The following TMEM268 variants were observed in gnomAD, a reference collection of about 807,000 sequenced individuals.
TMEM268 encodes the protein transmembrane protein 268.
In TMEM268, 24 loss-of-function variants were observed where a neutral mutation model predicts 39.1. The ratio of observed to expected loss-of-function variants is 0.61; its 90% CI spans 0.44 to 0.86. TMEM268 has a LOEUF of 0.86. TMEM268 is among the 40% of genes least tolerant of loss of function. TMEM268 has a pLI of 0.00. For missense variants in TMEM268, 409 were observed against 428.6 expected (o/e 0.95, Z 0.40); for synonymous variants, 176 against 173.5 (o/e 1.01, Z -0.12).
In TMEM268 at chr9:114,626,890, T is replaced by C. The variant is rs764214627; in HGVS notation, c.217-9T>C. Reference sequence around the variant, plus strand: ...GGCTGATTGATCTCTTTCCCTGGGTTCCAAGCAGGTCCCGGCTGACCAGTA... The same window carrying C: ...GGCTGATTGATCTCTTTCCCTGGGTCCCAAGCAGGTCCCGGCTGACCAGTA... On this transcript the variant is annotated splice_polypyrimidine_tract_variant and intron_variant, in intron 3 of 8. Transcript: ENST00000288502. The C allele has an allele frequency of 6.7e-5, 107 of 1,597,038 alleles. No homozygotes were observed. The Middle Eastern group carries it at 1.0e-3, about 15-fold the overall frequency.
intron 2 of TMEM268, 108 bp from the exon 3 acceptor site, chr9:114,624,242 C>CGAGGAA (rs1846061541): frequency 6.0e-6 from 9 of 1,498,306 alleles, no homozygotes; most frequent in Non-Finnish European, 8.0e-6. Flanking sequence ...CTCCTTGTTG[C>CGAGGAA]GAGGAGGTTC....
chr9:114,641,066 G>A (rs1160075694), intron 8 of TMEM268, among the ~76,000 whole-genome samples: 2 of 152,032 alleles, frequency 1.3e-5, no homozygotes, highest in African/African-American at 4.8e-5. Flanking sequence ...AGTAGAGATG[G>A]GTTTTCACCA....
chr9:114,606,611 T>C (rs1243379919), upstream of TMEM268, among the ~76,000 whole-genome samples: 1 of 152,238 alleles, frequency 6.6e-6, no homozygotes, highest in Non-Finnish European at 1.5e-5. Context: ...CTAATTTTCC[T>C]ACCATCTCTA....
At chr9:114,617,054 C>A (rs1845745346) in intron 1 of TMEM268, 64 bp from the exon 2 acceptor site, 2 of 575,560 alleles carry the variant, frequency 3.5e-6, no homozygotes, top group African/African-American at 2.0e-5. Flanking sequence ...CTGGAGACAG[C>A]CCCTAGGAAC....
At chr9:114,604,298 G>C in the TMEM268 span, among the ~76,000 whole-genome samples, 3 of 152,018 alleles carry the variant, frequency 2.0e-5, no homozygotes, top group Non-Finnish European at 4.4e-5. Context: ...CTGATAAAAG[G>C]CATAAAATAT....
At chr9:114,632,251 C>G (rs1846434519) in intron 5 of TMEM268, among the ~76,000 whole-genome samples, 1 of 152,044 alleles carries the variant, frequency 6.6e-6, no homozygotes, top group Non-Finnish European at 1.5e-5. Flanking sequence ...CTTGAACATG[C>G]AGAATGGTTT....
chr9:114,614,727 G>C (rs1011921194), intron 1 of TMEM268, among the ~76,000 whole-genome samples: 4 of 152,152 alleles, frequency 2.6e-5, no homozygotes, highest in Non-Finnish European at 5.9e-5. Flanking sequence ...AGCAGGGCTG[G>C]TGTGTCATCC....
Position 114,617,138 on chromosome 9 carries a change from T to C in TMEM268, c.-58T>C. The C allele has an allele frequency of 8.7e-7, 1 of 1,153,028 alleles. No individual in the cohort carries two copies. The highest frequency in any genetic ancestry group is 1.3e-6 in the Non-Finnish European group (1 of 794,424). The allele number at this position is 1,153,028 out of a possible 1,614,324, so 71.4% of individuals were successfully genotyped here. ...TGAAGGCATATGATGCTGAGCTGGC[T>C]GCTCCAGAATGAACCACAGCTCTGA... On this transcript the variant is annotated 5_prime_UTR_variant, in exon 2 of 9. Transcript: ENST00000288502.
At chr9:114,611,619 C>T (rs1267033877) in intron 1 of TMEM268, 55 bp downstream of exon 1, 5 of 152,538 alleles carry the variant, frequency 3.3e-5, no homozygotes, top group African/African-American at 9.7e-5. Context: ...GGGCTTGGTG[C>T]TGTGGGGCTC....
chr9:114,617,244 C>G lies in TMEM268; in HGVS notation c.49C>G (p.Pro17Ala), dbSNP rs1235186390. The G allele has an allele frequency of 4.3e-6, 7 of 1,612,878 alleles. No individual in the cohort carries two copies. The highest frequency in any genetic ancestry group is 5.1e-6 in the Non-Finnish European group (6 of 1,179,494). Reference sequence around the variant, plus strand: ...CCCGGGGGCCACTGGCCCATTGCCCCCCTCCTCCCCTGGCTGGAGTGCCCT... The same window carrying G: ...CCCGGGGGCCACTGGCCCATTGCCCGCCTCCTCCCCTGGCTGGAGTGCCCT... The part of the protein sequence containing the change: ...VDPGATGPLP[P>A]SSPGWSALPG... Residue 17 changes from proline to alanine, a missense_variant, in exon 2 of 9, where the codon CCC (proline) becomes GCC (alanine). Pro to Ala is a conservative substitution (Grantham distance 27, BLOSUM62 -1). Coordinates refer to ENST00000288502, the MANE Select transcript of TMEM268 (RefSeq NM_153045.4).
chr9:114,620,784 G>C (rs1352897661), intron 2 of TMEM268, among the ~76,000 whole-genome samples: 2 of 152,006 alleles, frequency 1.3e-5, no homozygotes, highest in Non-Finnish European at 2.9e-5. Context: ...CGTCCTCTAA[G>C]CAAGGAAACA....
Position 114,628,081 on chromosome 9 carries a change from C to G in TMEM268, c.325-20C>G, listed in dbSNP as rs201972863. The G allele has an allele frequency of 5.0e-6, 8 of 1,610,752 alleles. No homozygotes were observed. Among genetic ancestry groups the G allele is most frequent in the Admixed American group, 3.3e-5 (2 of 59,976 alleles). The stretch of plus-strand genomic sequence containing the variant: ...AAGGACTGAAGTTCCTGACCATGCT[C>G]TCTGTCTGGCATCTTGCAGGTTTTC... On this transcript the variant is annotated intron_variant, in intron 4 of 8. Coordinates refer to ENST00000288502, the MANE Select transcript of TMEM268 (RefSeq NM_153045.4).
At chr9:114,613,084 A>C (rs1845568149) in intron 1 of TMEM268, among the ~76,000 whole-genome samples, 1 of 152,234 alleles carries the variant, frequency 6.6e-6, no homozygotes, top group Admixed American at 6.5e-5. Flanking sequence ...ATGTAAGGAA[A>C]CTGAGGCAGA....
chr9:114,641,771 G>T (rs901850938), intron 8 of TMEM268, among the ~76,000 whole-genome samples: 1 of 152,102 alleles, frequency 6.6e-6, no homozygotes, highest in East Asian at 1.9e-4. Context: ...AAATAGCTGG[G>T]ATTACAGGCA....
rs1168014441 is a variant in TMEM268, at chr9:114,645,280, C to G, written c.*1967C>G. 1.3e-5 allele frequency: 2 copies of G among 152,370 alleles called. No individual in the cohort carries two copies. Among genetic ancestry groups the G allele is most frequent in the African/African-American group, 4.8e-5 (2 of 41,456 alleles). 9.4% of individuals were successfully genotyped at this position (152,370 alleles called of 1,614,324 possible). On this transcript the variant is annotated 3_prime_UTR_variant, in exon 9 of 9. Transcript: ENST00000288502. ...CAGAAGACTGGCCTACCTAGCAGAC[C>G]TGGATTTTTCTTCCTGATCTGCTGC...
chr9:114,625,198 G>C (rs905127363), intron 3 of TMEM268, among the ~76,000 whole-genome samples: 16 of 152,088 alleles, frequency 1.1e-4, no homozygotes, highest in Non-Finnish European at 2.4e-4. Context: ...TTTTTGTTAA[G>C]ATTAAATGCA....
At chr9:114,634,833 C>A (rs1013220597) in intron 6 of TMEM268, among the ~76,000 whole-genome samples, 1 of 152,196 alleles carries the variant, frequency 6.6e-6, no homozygotes, top group Non-Finnish European at 1.5e-5. Flanking sequence ...GCCTATCACA[C>A]CCAAGATGGT....
At chr9:114,637,144 TGG>T in intron 7 of TMEM268, 74 bp downstream of exon 7, 1 of 991,794 alleles carries the variant, frequency 1.0e-6, no homozygotes, top group East Asian at 2.4e-5. Context: ...ATCTTAAGGG[TGG>T]GAAAATGTCT....
intron 5 of TMEM268, among the ~76,000 whole-genome samples, chr9:114,630,484 G>A (rs928917196): frequency 6.6e-6 from 1 of 152,146 alleles, no homozygotes; most frequent in African/African-American, 2.4e-5. Flanking sequence ...AGCACCTATT[G>A]TATGCTGTAT....
Sources: allele counts gnomAD v4.1 joint callset (sites outside exome capture counted in the v4.1 genomes callset), GRCh38; gene constraint gnomAD v4.1.1; transcripts MANE v1.5; gene names NCBI Gene and HGNC (gene_info 2026-07-23, HGNC 2026-07-21).